ACSS3: variants seen among roughly 807,000 people sequenced by gnomAD.
ACSS3 encodes the protein acyl-CoA synthetase short-chain family member 3, mitochondrial.
Under a neutral mutation model 84.2 loss-of-function variants are expected in ACSS3, and 64 were observed. The ratio of observed to expected loss-of-function variants is 0.76; its 90% confidence interval spans 0.62 to 0.94. ACSS3 has a LOEUF of 0.94. Ranked by LOEUF, ACSS3 falls within the 40% of genes least tolerant of loss-of-function variation. The probability of loss-of-function intolerance (pLI) is 0.00; values close to 1 mark genes in which losing one functional copy is unlikely to be tolerated. For missense variants in ACSS3, 815 were observed against 867.6 expected (o/e 0.94, Z 0.76); for synonymous variants, 317 against 310.1 (o/e 1.02, Z -0.23).
intron 5 of ACSS3, chr12:81,143,578 T>A (rs1311393250): frequency 1.3e-5 from 2 of 155,482 alleles, no homozygotes; most frequent in Admixed American, 1.3e-4. Flanking sequence ...TAATTGAATA[T>A]CAGTTGGTTT....
chr12:81,226,900 C>T (rs1036368023), intron 11 of ACSS3, among the ~76,000 whole-genome samples: 2 of 151,628 alleles, frequency 1.3e-5, no homozygotes, highest in East Asian at 1.9e-4. Flanking sequence ...CATTTGGTAA[C>T]TTGGCTTTAA....
At chr12:81,163,232 T>A (rs898091161) in intron 7 of ACSS3, among the ~76,000 whole-genome samples, 1 of 151,924 alleles carries the variant, frequency 6.6e-6, no homozygotes, top group Non-Finnish European at 1.5e-5. Flanking sequence ...AAAAATATTA[T>A]TTTTTTATAA....
chr12:81,122,042 C>T (rs1395077592), intron 2 of ACSS3, among the ~76,000 whole-genome samples: 2 of 151,758 alleles, frequency 1.3e-5, no homozygotes, highest in African/African-American at 4.8e-5. Flanking sequence ...AGGCAATTCT[C>T]CTGCCTCAGC....
chr12:81,147,095 A>G (rs1243182698), intron 5 of ACSS3, among the ~76,000 whole-genome samples: 2 of 152,144 alleles, frequency 1.3e-5, no homozygotes, highest in African/African-American at 4.8e-5. Context: ...AACTGGTTGC[A>G]CCCTTGCCCC....
Position 81,143,214 on chromosome 12 carries a change from T to C in ACSS3, c.888T>C (p.Ile296=). The C allele has an allele frequency of 6.2e-7, 1 of 1,608,956 alleles. No individual in the cohort carries two copies. Among genetic ancestry groups the C allele is most frequent in the Non-Finnish European group, 8.5e-7 (1 of 1,176,478 alleles). ...TTCTTTCAGAACACCCACTGTATAT[T>C]CTTTACACATCTGGCACAACGGGGT... ...VPVLSEHPLY[I]LYTSGTTGLP... Residue 296 remains isoleucine (I), a synonymous_variant, in exon 5 of 16, where the codon ATT becomes ATC. Transcript: ENST00000548058.
At position 81,174,917 on chromosome 12, in the gene ACSS3, G is replaced by A. The variant is rs555708909; in HGVS notation, c.1228G>A (p.Gly410Arg). The A allele has an allele frequency of 1.7e-5, 27 of 1,613,958 alleles. No individual in the cohort carries two copies. The African/African-American group carries it at 3.5e-4, about 21-fold the overall frequency. ...TCAACAGGACCCTGGGGCAGCTTTGGGGAAGCAGTACTCTCTGACAAGGTG... is the reference window on the plus strand; with the variant it reads ...TCAACAGGACCCTGGGGCAGCTTTGAGGAAGCAGTACTCTCTGACAAGGTG... ...IRQQDPGAALGKQYSLTRFKT... is the reference protein window; with the variant it reads ...IRQQDPGAALRKQYSLTRFKT... Residue 410 changes from glycine (G) to arginine (R), a missense_variant, in exon 8 of 16, where the codon GGG becomes AGG. By Grantham distance (125) the Gly-to-Arg change is moderately radical. Coordinates refer to ENST00000548058, the MANE Select transcript of ACSS3 (RefSeq NM_024560.4).
intron 1 of ACSS3, among the ~76,000 whole-genome samples, chr12:81,084,340 A>G (rs900664855): frequency 6.6e-6 from 1 of 152,226 alleles, no homozygotes; most frequent in Non-Finnish European, 1.5e-5. Flanking sequence ...AATGTGACTA[A>G]TGAACTAGGG....
intron 2 of ACSS3, among the ~76,000 whole-genome samples, chr12:81,131,812 G>A (rs1885523741): frequency 6.6e-6 from 1 of 152,044 alleles, no homozygotes; most frequent in Non-Finnish European, 1.5e-5. Flanking sequence ...ACAATACCTA[G>A]TCTATTGAGA....
chr12:81,086,975 A>G (rs1881359375), intron 1 of ACSS3, among the ~76,000 whole-genome samples: 1 of 152,128 alleles, frequency 6.6e-6, no homozygotes, highest in Admixed American at 6.6e-5. Flanking sequence ...TATTAATTAT[A>G]TTTGTTTTTG....
intron 2 of ACSS3, 83 bp downstream of exon 2, chr12:81,109,787 C>T (rs1415015719): frequency 2.6e-6 from 3 of 1,138,138 alleles, no homozygotes; most frequent in Non-Finnish European, 3.6e-6. Context: ...GTAGAGCCTT[C>T]AATTCTCTAA....
intron 5 of ACSS3, among the ~76,000 whole-genome samples, chr12:81,146,096 T>G (rs188119243): frequency 6.6e-6 from 1 of 152,218 alleles, no homozygotes. Flanking sequence ...CTTATACATA[T>G]TAGTTTTTAT....
chr12:81,131,305 A>G (rs1444681395), intron 2 of ACSS3, among the ~76,000 whole-genome samples: 1 of 151,972 alleles, frequency 6.6e-6, no homozygotes, highest in Non-Finnish European at 1.5e-5. Flanking sequence ...TATTTTGTTG[A>G]GCAGTGGTTT....
intron 9 of ACSS3, among the ~76,000 whole-genome samples, chr12:81,210,053 C>T (rs1289217125): frequency 2.6e-5 from 4 of 152,108 alleles, no homozygotes; most frequent in Non-Finnish European, 5.9e-5. Flanking sequence ...TATCTTGTGC[C>T]AACTTCCTGT....
At chr12:81,225,669 C>T (rs1259535685) in intron 11 of ACSS3, among the ~76,000 whole-genome samples, 2 of 151,928 alleles carry the variant, frequency 1.3e-5, no homozygotes, top group Admixed American at 1.3e-4. Flanking sequence ...ACTATCTTCC[C>T]TATCAGTATT....
chr12:81,156,331 C>G (rs10862249), intron 7 of ACSS3, among the ~76,000 whole-genome samples: 30,014 of 151,542 alleles, frequency 0.2, 3,336 homozygotes, highest in East Asian at 0.4. Context: ...AAATTTATAG[C>G]ACTAAATGGA....
chr12:81,244,905 CTGTGTGTGTG>C (rs146316314), intron 13 of ACSS3, among the ~76,000 whole-genome samples: 1 of 148,158 alleles, frequency 6.7e-6, no homozygotes, highest in Non-Finnish European at 1.5e-5. Context: ...TCTATTCAAA[CTGTGTGTGTG>C]TGTGTGTGTG....
At chr12:81,108,267 T>TATTAATA (rs1555245688) in intron 1 of ACSS3, among the ~76,000 whole-genome samples, 2 of 104,910 alleles carry the variant, frequency 1.9e-5, no homozygotes, top group East Asian at 8.4e-4. Flanking sequence ...TATTATTAAT[T>TATTAATA]ATTATTATTA....
intron 8 of ACSS3, among the ~76,000 whole-genome samples, chr12:81,194,060 T>C (rs1305667913): frequency 6.6e-6 from 1 of 151,788 alleles, no homozygotes; most frequent in East Asian, 1.9e-4. Context: ...AATTTAGCTG[T>C]TGAAAAGGTT....
In ACSS3 at chr12:81,256,941, T is replaced by C. The variant is rs1158349647; in HGVS notation, c.*2019T>C. 6.6e-6 allele frequency: 1 copy of C among 152,198 alleles called. No homozygotes were observed. Among genetic ancestry groups the C allele is most frequent in the Non-Finnish European group, 1.5e-5 (1 of 68,036 alleles). The allele number at this position is 152,198 out of a possible 1,614,324, so 9.4% of individuals were successfully genotyped here. A position where few individuals can be genotyped will look rare whatever the true frequency, so the allele number is the denominator to read the frequency against. On this transcript the variant is annotated 3_prime_UTR_variant, in exon 16 of 16. Transcript: ENST00000548058. ...GGTACGTTTTATCCATTGTCACAACTGTGGTCTTCATTAATAACTCATTTT... is the reference window on the plus strand; with the variant it reads ...GGTACGTTTTATCCATTGTCACAACCGTGGTCTTCATTAATAACTCATTTT...
Sources: allele counts gnomAD v4.1 joint callset (sites outside exome capture counted in the v4.1 genomes callset), GRCh38; gene constraint gnomAD v4.1.1; transcripts MANE v1.5; gene names NCBI Gene and HGNC (gene_info 2026-07-23, HGNC 2026-07-21).